The following NEXMIF variants were observed in gnomAD, a reference collection of about 807,000 sequenced individuals.
NEXMIF encodes the protein XLMR protein related to neurite extension.
Under a neutral mutation model 62.1 loss-of-function variants are expected in NEXMIF, and 8 were observed. That is an observed-to-expected ratio of 0.13 (90% CI 0.08 to 0.23). NEXMIF has a LOEUF of 0.23. Ranked by LOEUF, NEXMIF falls within the 10% of genes least tolerant of loss-of-function variation. The pLI, the probability that NEXMIF is intolerant of heterozygous loss-of-function variation, is 1.00. For synonymous variants in NEXMIF, 404 were observed against 416.6 expected, an observed-to-expected ratio of 0.97 and a Z score of 0.37; for missense variants, 976 against 1,113.3, an observed-to-expected ratio of 0.88 and a Z score of 1.75.
chrX:74,918,029 G>A lies in NEXMIF; in HGVS notation c.-48+6854C>T, dbSNP rs143705059. On this transcript the variant is annotated intron_variant, in intron 1 of 3. Transcript: ENST00000055682. ...TCAGAAAAATGCTTGTACGGTAGCT[G>A]AGGGATGTGGCCCATAAATATACTA... is the stretch of plus-strand genomic sequence containing the variant. Among the ~76,000 whole-genome samples, 734 of 111,302 alleles carry A rather than the reference G, an allele frequency of 6.6e-3. 11 individuals carry two copies. Among genetic ancestry groups the A allele is most frequent in the African/African-American group, 0.023 (694 of 30,651 alleles).
chrX:74,919,950 T>C (rs1732409151), intron 1 of NEXMIF, among the ~76,000 whole-genome samples: 1 of 111,346 alleles, frequency 9.0e-6, no homozygotes, highest in Non-Finnish European at 1.9e-5. Flanking sequence ...ACAAAGGACA[T>C]GAACTCATCA....
intron 1 of NEXMIF, among the ~76,000 whole-genome samples, chrX:74,830,088 C>T (rs2080431157): frequency 9.0e-6 from 1 of 111,681 alleles, no homozygotes; most frequent in African/African-American, 3.3e-5. Flanking sequence ...CTTTGGTTGC[C>T]TATGCTTGTG....
Position 74,878,952 on chromosome X carries a change from C to T in NEXMIF, c.-48+45931G>A, listed in dbSNP as rs762161523. Among the ~76,000 whole-genome samples, 18 of 112,787 alleles carry T rather than the reference C, an allele frequency of 1.6e-4. 1 individual carries two copies. The highest frequency in any genetic ancestry group is 1.2e-3 in the Admixed American group (13 of 10,722). On this transcript the variant is annotated intron_variant, in intron 1 of 3. Coordinates refer to ENST00000055682, the MANE Select transcript of NEXMIF (RefSeq NM_001008537.3). The stretch of plus-strand genomic sequence containing the variant: ...AAATGCAGAAATCACCCGTCTTCTG[C>T]GTCGCTCATGCTGGGAGCTGTAGAC...
At chrX:74,921,484 T>G (rs2080826967) in intron 1 of NEXMIF, among the ~76,000 whole-genome samples, 2 of 112,302 alleles carry the variant, frequency 1.8e-5, no homozygotes, top group Admixed American at 1.9e-4. Context: ...TAAAGGTAGC[T>G]CCAAGTGATG....
At chrX:74,824,899 C>T (rs369277055) in intron 1 of NEXMIF, among the ~76,000 whole-genome samples, 11 of 110,916 alleles carry the variant, frequency 9.9e-5, no homozygotes, top group Admixed American at 4.8e-4. Flanking sequence ...CCGCCCACCT[C>T]GGCCTCCCAA....
chrX:74,915,082 G>C (rs1035229410), intron 1 of NEXMIF, among the ~76,000 whole-genome samples: 1 of 111,836 alleles, frequency 8.9e-6, no homozygotes, highest in African/African-American at 3.2e-5. Context: ...TAGCACAAAA[G>C]AGATCTCTAG....
At chrX:74,874,540 G>T (rs1367595011) in intron 1 of NEXMIF, among the ~76,000 whole-genome samples, 14 of 103,323 alleles carry the variant, frequency 1.4e-4, no homozygotes, top group African/African-American at 5.1e-4. Context: ...AAAGTCATTG[G>T]TAGCTTGATG....
At chrX:74,843,845 T>C (rs113939188) in intron 1 of NEXMIF, among the ~76,000 whole-genome samples, 1,703 of 112,427 alleles carry the variant, frequency 0.015, 37 homozygotes, top group African/African-American at 0.051. Context: ...GGTTATGATG[T>C]TGGCTTGTTT....
chrX:74,891,173 C>G (rs2080716587), intron 1 of NEXMIF, among the ~76,000 whole-genome samples: 1 of 111,507 alleles, frequency 9.0e-6, no homozygotes, highest in South Asian at 3.8e-4. Context: ...ACTCTTGCTC[C>G]ACTTACTACC....
intron 1 of NEXMIF, among the ~76,000 whole-genome samples, chrX:74,900,406 G>A (rs2080745644): frequency 9.5e-6 from 1 of 105,171 alleles, no homozygotes; most frequent in Admixed American, 1.0e-4. Flanking sequence ...GGAGGTTGCA[G>A]TGGGCCAAGA....
chrX:74,853,556 A>G (rs1050822785), intron 1 of NEXMIF, among the ~76,000 whole-genome samples: 1 of 110,387 alleles, frequency 9.1e-6, no homozygotes, highest in African/African-American at 3.3e-5. Flanking sequence ...TTGCATATCT[A>G]TGCCTGACTT....
intron 1 of NEXMIF, among the ~76,000 whole-genome samples, chrX:74,777,308 A>G (rs889182141): frequency 9.0e-6 from 1 of 111,233 alleles, no homozygotes; most frequent in African/African-American, 3.3e-5. Flanking sequence ...TAAATTTTTA[A>G]AATTGATATA....
intron 1 of NEXMIF, among the ~76,000 whole-genome samples, chrX:74,787,239 C>T (rs1310808624): frequency 6.6e-5 from 7 of 106,686 alleles, no homozygotes; most frequent in Non-Finnish European, 9.6e-5. Flanking sequence ...GCCAAGATCA[C>T]GCCACTGTAC....
chrX:74,768,215 T>C (rs1416258485), intron 1 of NEXMIF, among the ~76,000 whole-genome samples: 1 of 111,537 alleles, frequency 9.0e-6, no homozygotes, highest in East Asian at 2.8e-4. Flanking sequence ...ATTCACCACT[T>C]CCCTGGGTGA....
At position 74,743,867 on chromosome X, in the gene NEXMIF, C is replaced by T. The variant is rs776754896; in HGVS notation, c.690G>A (p.Pro230=). The change falls in exon 3 of 4, where the codon CCG becomes CCA. Residue 230 remains proline, a synonymous_variant. Coordinates refer to ENST00000055682, the MANE Select transcript of NEXMIF (RefSeq NM_001008537.3). Reference sequence around the variant, plus strand: ...ATGCCTCATAATAGCTTTTCTGAGCCGGATCCTCCAAGTCAATGTCAGGTT... The same window carrying T: ...ATGCCTCATAATAGCTTTTCTGAGCTGGATCCTCCAAGTCAATGTCAGGTT... ...TEKPDIDLED[P]AQKSYYEALL... 1.3e-5 allele frequency: 16 copies of T among 1,209,540 alleles called. No individual in the cohort carries two copies. Among genetic ancestry groups the T allele is most frequent in the East Asian group, 3.0e-5 (1 of 33,736 alleles).
At chrX:74,827,975 G>C (rs2080424070) in intron 1 of NEXMIF, among the ~76,000 whole-genome samples, 1 of 111,923 alleles carries the variant, frequency 8.9e-6, no homozygotes, top group African/African-American at 3.3e-5. Context: ...GGTGCATATA[G>C]TTTCCTAATT....
chrX:74,853,897 C>T (rs767130084), intron 1 of NEXMIF, among the ~76,000 whole-genome samples: 7 of 111,545 alleles, frequency 6.3e-5, no homozygotes, highest in Non-Finnish European at 1.3e-4. Context: ...AAGTAGAAAA[C>T]CTTAACAGAC....
At chrX:74,844,244 T>C (rs779845679) in intron 1 of NEXMIF, among the ~76,000 whole-genome samples, 3 of 111,392 alleles carry the variant, frequency 2.7e-5, no homozygotes, top group African/African-American at 6.5e-5. Context: ...GAAAATCTGA[T>C]GATTGTGTGT....
chrX:74,816,430 A>G (rs1340156850), intron 1 of NEXMIF, among the ~76,000 whole-genome samples: 1 of 112,249 alleles, frequency 8.9e-6, no homozygotes, highest in Non-Finnish European at 1.9e-5. Flanking sequence ...CCCAGTAAAT[A>G]TAAAAAGAAA....
Sources: allele counts gnomAD v4.1 joint callset (sites outside exome capture counted in the v4.1 genomes callset), GRCh38; gene constraint gnomAD v4.1.1; transcripts MANE v1.5; gene names NCBI Gene and HGNC (gene_info 2026-07-23, HGNC 2026-07-21).